The following LRRC7 variants were observed in gnomAD, a reference collection of about 807,000 sequenced individuals.
LRRC7 encodes the protein leucine-rich repeat-containing protein 7.
In LRRC7, 23 loss-of-function variants were observed where a neutral mutation model predicts 175.7. That is an observed-to-expected ratio of 0.13 (90% CI 0.09 to 0.19). The LOEUF (loss-of-function observed/expected upper bound fraction) is 0.19, where lower values mean the gene tolerates loss of function less well. LRRC7 is among the 10% of genes least tolerant of loss of function. LRRC7 has a pLI of 1.00. For synonymous variants in LRRC7, 685 were observed against 680.9 expected (o/e 1.01, Z -0.09); for missense variants, 1,354 against 1,904.7 (o/e 0.71, Z 5.38).
intron 7 of LRRC7, among the ~76,000 whole-genome samples, chr1:69,877,564 C>T (rs1686155483): frequency 6.6e-6 from 1 of 152,172 alleles, no homozygotes; most frequent in Non-Finnish European, 1.5e-5. Context: ...ATTTTTAATA[C>T]ATTTATAGAG....
intron 9 of LRRC7, among the ~76,000 whole-genome samples, chr1:69,982,347 G>C (rs1042175473): frequency 1.3e-5 from 2 of 152,200 alleles, no homozygotes; most frequent in African/African-American, 4.8e-5. Flanking sequence ...AATAGCCATG[G>C]CTTTCTGGAT....
In LRRC7 at chr1:69,712,573, C is replaced by G. The variant is rs150371291; in HGVS notation, c.100+34095C>G. 7.7e-3 allele frequency among the ~76,000 whole-genome samples: 1,179 copies of G among 152,272 alleles called. 12 individuals are homozygous for G. The highest frequency in any genetic ancestry group is 0.027 in the African/African-American group (1,125 of 41,566). On this transcript the variant is annotated intron_variant, in intron 2 of 26. Transcript: ENST00000651989. ...TGAGCCAAGATTGCGCCATTGCACT[C>G]CAGCCTGGGCGACAGAGCGAGACTC...
At position 69,884,156 on chromosome 1, in the gene LRRC7, T is replaced by G. The variant is rs1171680352; in HGVS notation, c.647+45873T>G. ...GTTTTTTCCAATTCTGTGAAGAAAG[T>G]CATTGGTAGCTTGATGGGGATGGCA... On this transcript the variant is annotated intron_variant, in intron 7 of 26. Transcript: ENST00000651989. 2.1e-4 allele frequency among the ~76,000 whole-genome samples: 16 copies of G among 75,246 alleles called. No individual in the cohort carries two copies. In the East Asian group the frequency reaches 2.3e-3, roughly 11 times the overall value. The allele number at this position is 75,246 out of a possible 152,430, so 49.4% of individuals were successfully genotyped here.
chr1:69,978,045 A>T (rs1191967950), intron 8 of LRRC7, among the ~76,000 whole-genome samples: 1 of 152,172 alleles, frequency 6.6e-6, no homozygotes, highest in African/African-American at 2.4e-5. Flanking sequence ...CAAAAAAACA[A>T]AAAAAGCATT....
chr1:69,651,452 G>C (rs1294315109), intron 1 of LRRC7, among the ~76,000 whole-genome samples: 1 of 152,116 alleles, frequency 6.6e-6, no homozygotes, highest in Non-Finnish European at 1.5e-5. Context: ...ATCTACCAAA[G>C]TTATTTTTAA....
At position 70,137,090 on chromosome 1, in the gene LRRC7, C is replaced by G. The variant is rs558736663; in HGVS notation, c.*15203C>G. On this transcript the variant is annotated 3_prime_UTR_variant, in exon 27 of 27. Coordinates refer to ENST00000651989, the MANE Select transcript of LRRC7 (RefSeq NM_001370785.2). ...ATCTCAGGAAGGAAAGTTCTTGTCC[C>G]TTGTATATATGTATCTTGTCAAAAA... is the stretch of plus-strand genomic sequence containing the variant. Among the ~76,000 whole-genome samples the G allele has an allele frequency of 2.5e-4, 38 of 152,220 alleles. No individual in the cohort carries two copies. Among genetic ancestry groups the G allele is most frequent in the African/African-American group, 8.9e-4 (37 of 41,540 alleles).
chr1:69,855,457 G>A (rs1340650412), intron 7 of LRRC7, among the ~76,000 whole-genome samples: 1 of 152,136 alleles, frequency 6.6e-6, no homozygotes, highest in Non-Finnish European at 1.5e-5. Flanking sequence ...TCTTAACCCT[G>A]AGTTCTAATT....
chr1:69,792,251 T>A, intron 4 of LRRC7, 91 bp downstream of exon 4: 3 of 768,468 alleles, frequency 3.9e-6, no homozygotes, highest in Non-Finnish European at 6.5e-6. Flanking sequence ...CTAAAATAAC[T>A]TTTTCTTTGA....
At chr1:69,955,621 A>G (rs1257449205) in intron 8 of LRRC7, among the ~76,000 whole-genome samples, 1 of 152,070 alleles carries the variant, frequency 6.6e-6, no homozygotes, top group Non-Finnish European at 1.5e-5. Flanking sequence ...TAAAGTTAAT[A>G]AAATCCAAAT....
At chr1:70,076,348 A>T in intron 24 of LRRC7, 50 bp downstream of exon 24, 1 of 1,561,132 alleles carries the variant, frequency 6.4e-7, no homozygotes, top group African/African-American at 1.4e-5. Context: ...AGAAAAGTCC[A>T]AAGAATCCAT....
intron 23 of LRRC7, among the ~76,000 whole-genome samples, chr1:70,056,512 T>C (rs886984091): frequency 2.6e-5 from 4 of 152,186 alleles, no homozygotes; most frequent in Non-Finnish European, 4.4e-5. Context: ...CCTCACGCTG[T>C]TGGCTCTATC....
intron 23 of LRRC7, among the ~76,000 whole-genome samples, chr1:70,067,478 AG>A (rs1332425116): frequency 2.0e-5 from 3 of 152,058 alleles, no homozygotes; most frequent in Non-Finnish European, 2.9e-5. Context: ...CTATTTCATT[AG>A]TCTATGTGTC....
At chr1:69,751,831 C>T (rs1276442397) in intron 2 of LRRC7, among the ~76,000 whole-genome samples, 5 of 152,102 alleles carry the variant, frequency 3.3e-5, no homozygotes, top group Non-Finnish European at 5.9e-5. Flanking sequence ...ATGTAATAAG[C>T]TCCTTCTTGA....
At chr1:69,823,494 C>T (rs1203377599) in intron 4 of LRRC7, among the ~76,000 whole-genome samples, 1 of 152,010 alleles carries the variant, frequency 6.6e-6, no homozygotes, top group African/African-American at 2.4e-5. Context: ...CAATGTCTGG[C>T]ACTTTTGGGT....
intron 7 of LRRC7, among the ~76,000 whole-genome samples, chr1:69,860,653 A>G (rs889092352): frequency 6.6e-6 from 1 of 152,040 alleles, no homozygotes; most frequent in Non-Finnish European, 1.5e-5. Flanking sequence ...GAAAAAAAGC[A>G]TTAATGAAAG....
intron 26 of LRRC7, among the ~76,000 whole-genome samples, chr1:70,115,236 T>C (rs750417221): frequency 6.6e-5 from 10 of 152,260 alleles, no homozygotes; most frequent in Non-Finnish European, 1.3e-4. Flanking sequence ...GCAAGGATGA[T>C]GCCAGTCCAA....
intron 22 of LRRC7, among the ~76,000 whole-genome samples, chr1:70,045,955 G>T (rs1660296693): frequency 6.6e-6 from 1 of 151,940 alleles, no homozygotes; most frequent in Non-Finnish European, 1.5e-5. Context: ...GACACATATG[G>T]ATTATTACAA....
chr1:69,619,856 C>T lies in LRRC7; in HGVS notation c.2+51215C>T, dbSNP rs866143384. Among the ~76,000 whole-genome samples the T allele has an allele frequency of 2.6e-5, 4 of 152,138 alleles. 1 individual carries two copies. In the South Asian group the frequency reaches 8.3e-4, roughly 32 times the overall value. ...TATAACTCAGTGAACCAGTAGTTTCCAAATGACCAATGAATGAAATTGCAA... is the reference window on the plus strand; with the variant it reads ...TATAACTCAGTGAACCAGTAGTTTCTAAATGACCAATGAATGAAATTGCAA... On this transcript the variant is annotated intron_variant, in intron 1 of 26. Transcript: ENST00000651989.
intron 11 of LRRC7, among the ~76,000 whole-genome samples, chr1:69,999,908 T>C (rs533243132): frequency 4.6e-5 from 7 of 152,274 alleles, no homozygotes; most frequent in Admixed American, 1.3e-4. Context: ...CCTGTTCCAC[T>C]TCCAGACTTA....
Sources: gnomAD v4.1 joint callset for allele counts (sites outside exome capture counted in the v4.1 genomes callset) on GRCh38, gnomAD v4.1.1 for gene constraint, MANE v1.5 for transcripts, NCBI Gene and HGNC (gene_info 2026-07-23, HGNC 2026-07-21) for gene names.